ANO2: variants seen among roughly 807,000 people sequenced by gnomAD.
ANO2 encodes anoctamin 2, also known as anoctamin-2.
In ANO2, 101 loss-of-function variants were observed where a neutral mutation model predicts 124.2. The observed-to-expected ratio is 0.81, with a 90% CI of 0.69 to 0.96. The LOEUF is 0.96. Among genes scored for constraint, ANO2 ranks in the 40% least tolerant of loss-of-function variants. The probability of loss-of-function intolerance (pLI) is 0.00; values close to 1 mark genes in which losing one functional copy is unlikely to be tolerated. For synonymous variants in ANO2, 486 were observed against 482.5 expected (o/e 1.01, Z -0.09); for missense variants, 1,293 against 1,274.5 (o/e 1.01, Z -0.22).
At chr12:5,913,398 C>T (rs772836412) in intron 3 of ANO2, among the ~76,000 whole-genome samples, 5 of 152,192 alleles carry the variant, frequency 3.3e-5, no homozygotes, top group Non-Finnish European at 5.9e-5. Context: ...GAGCAGCCTC[C>T]AGGGAGGGCA....
At chr12:5,718,594 A>C (rs894844536) in intron 14 of ANO2, among the ~76,000 whole-genome samples, 5 of 152,234 alleles carry the variant, frequency 3.3e-5, no homozygotes, top group Admixed American at 3.3e-4. Context: ...ATTAGTGCCA[A>C]TCATTTTCCT....
intron 11 of ANO2, among the ~76,000 whole-genome samples, chr12:5,748,316 C>T (rs569644745): frequency 1.6e-4 from 24 of 152,300 alleles, no homozygotes; most frequent in African/African-American, 5.5e-4. Context: ...GGTTTTCCAC[C>T]CTTGGTCAAC....
At chr12:5,771,944 G>A (rs1283519175) in intron 10 of ANO2, among the ~76,000 whole-genome samples, 1 of 152,146 alleles carries the variant, frequency 6.6e-6, no homozygotes, top group African/African-American at 2.4e-5. Flanking sequence ...TAAACAGCAT[G>A]AGAGCTTCCA....
chr12:5,645,696 T>C (rs990836386), intron 15 of ANO2, among the ~76,000 whole-genome samples: 9 of 152,236 alleles, frequency 5.9e-5, no homozygotes, highest in South Asian at 2.1e-4. Flanking sequence ...TTCTTTCATA[T>C]GGTGCTTCAA....
intron 7 of ANO2, among the ~76,000 whole-genome samples, chr12:5,815,729 T>C (rs879081120): frequency 1.3e-5 from 2 of 152,206 alleles, no homozygotes; most frequent in Non-Finnish European, 2.9e-5. Context: ...AGTTTTGACA[T>C]TCTATTTTAA....
chr12:5,707,522 T>C (rs1821944603), intron 14 of ANO2, among the ~76,000 whole-genome samples: 1 of 152,102 alleles, frequency 6.6e-6, no homozygotes, highest in Non-Finnish European at 1.5e-5. Flanking sequence ...GAGGAGAAGT[T>C]CAGAGGACTC....
At chr12:5,676,996 G>T (rs985147346) in intron 14 of ANO2, among the ~76,000 whole-genome samples, 1 of 152,256 alleles carries the variant, frequency 6.6e-6, no homozygotes, top group Non-Finnish European at 1.5e-5. Flanking sequence ...GGAGGTTGCA[G>T]TAAGCCAAGA....
At chr12:5,803,783 G>A (rs1225781525) in intron 9 of ANO2, among the ~76,000 whole-genome samples, 1 of 152,194 alleles carries the variant, frequency 6.6e-6, no homozygotes, top group South Asian at 2.1e-4. Flanking sequence ...GGGAAAGAAA[G>A]AGACTTCCAG....
At chr12:5,850,268 T>C (rs1006238111) in intron 4 of ANO2, among the ~76,000 whole-genome samples, 8 of 151,800 alleles carry the variant, frequency 5.3e-5, no homozygotes, top group African/African-American at 1.7e-4. Context: ...ATACAAAAAA[T>C]AGCCGGGCGT....
rs1185266852 is a variant in ANO2 at position 5,658,157 on chromosome 12, C to A, written c.1546-10356G>T. On this transcript the variant is annotated intron_variant, in intron 14 of 24. Transcript: ENST00000682330. The surrounding 1 kb of genome is among the most constrained non-coding windows in gnomAD (Gnocchi z 4.3). ...GTATGGTCTAGCCTGGAGGTGGCTGCCTGGGTTCAATTCCCAGCTTGCACG... is the reference window on the plus strand; with the variant it reads ...GTATGGTCTAGCCTGGAGGTGGCTGACTGGGTTCAATTCCCAGCTTGCACG... 3.9e-5 allele frequency among the ~76,000 whole-genome samples: 6 copies of A among 152,154 alleles called. No individual in the cohort carries two copies. Among genetic ancestry groups the A allele is most frequent in the African/African-American group, 1.4e-4 (6 of 41,438 alleles).
chr12:5,926,547 T>C (rs1011020383), intron 1 of ANO2, among the ~76,000 whole-genome samples: 2 of 152,024 alleles, frequency 1.3e-5, no homozygotes, highest in Non-Finnish European at 2.9e-5. Flanking sequence ...CCCAGCATCC[T>C]ACATGCATTC....
At chr12:5,755,054 C>T (rs1951537200) in intron 10 of ANO2, among the ~76,000 whole-genome samples, 1 of 151,972 alleles carries the variant, frequency 6.6e-6, no homozygotes. Context: ...TATAAACTTC[C>T]TTTTAGTATT....
At chr12:5,695,676 A>G (rs1336751905) in intron 14 of ANO2, among the ~76,000 whole-genome samples, 1 of 152,120 alleles carries the variant, frequency 6.6e-6, no homozygotes, top group Non-Finnish European at 1.5e-5. Flanking sequence ...CCCCATCTCT[A>G]CTAAAAATAC....
intron 4 of ANO2, among the ~76,000 whole-genome samples, chr12:5,833,114 T>C (rs886378756): frequency 6.6e-6 from 1 of 152,238 alleles, no homozygotes; most frequent in African/African-American, 2.4e-5. Context: ...TGCGCCACGC[T>C]TCTATGTGAT....
chr12:5,581,642 C>A (rs959108912), intron 20 of ANO2, among the ~76,000 whole-genome samples: 10 of 152,196 alleles, frequency 6.6e-5, no homozygotes, highest in Non-Finnish European at 1.0e-4. Context: ...TTGATGCTCT[C>A]TAATAGCTCC....
At chr12:5,938,120 A>T (rs966442698) in intron 1 of ANO2, among the ~76,000 whole-genome samples, 1 of 152,146 alleles carries the variant, frequency 6.6e-6, no homozygotes, top group Non-Finnish European at 1.5e-5. Context: ...AGGGTCCCCA[A>T]AGAGCCCTCT....
At chr12:5,874,731 C>T (rs4764597) in intron 3 of ANO2, among the ~76,000 whole-genome samples, 73,563 of 151,996 alleles carry the variant, frequency 0.48, 18,008 homozygotes, top group South Asian at 0.59. Flanking sequence ...TTCCTCTGAA[C>T]TGTGTTAGTT....
intron 1 of ANO2, among the ~76,000 whole-genome samples, chr12:5,936,837 T>G (rs2136322583): frequency 6.6e-6 from 1 of 152,370 alleles, no homozygotes; most frequent in Middle Eastern, 3.4e-3. Flanking sequence ...AACTTCATTC[T>G]TTGTACATGA....
At chr12:5,578,261 G>T in intron 21 of ANO2, 105 bp downstream of exon 21, 2 of 1,468,748 alleles carry the variant, frequency 1.4e-6, no homozygotes, top group Non-Finnish European at 9.2e-7. Context: ...AAAGGGAAGA[G>T]GGGCTTTCCC....
Sources: allele counts gnomAD v4.1 joint callset (sites outside exome capture counted in the v4.1 genomes callset), GRCh38; gene constraint gnomAD v4.1.1; non-coding constraint Gnocchi (gnomAD v3.1); transcripts MANE v1.5; gene names NCBI Gene and HGNC (gene_info 2026-07-23, HGNC 2026-07-21).